Variants in PPP3CB observed in about 807,000 individuals in gnomAD.
PPP3CB encodes protein phosphatase 3 catalytic subunit beta, also known as serine/threonine-protein phosphatase 2B catalytic subunit beta isoform.
Under a neutral mutation model 66.4 loss-of-function variants are expected in PPP3CB, and 8 were observed. The observed-to-expected ratio is 0.12, with a 90% CI of 0.07 to 0.22. PPP3CB has a LOEUF of 0.22. Among genes scored for constraint, PPP3CB ranks in the 10% least tolerant of loss-of-function variants. PPP3CB has a pLI of 1.00. For synonymous variants in PPP3CB, 208 were observed against 221.2 expected (o/e 0.94, Z 0.53); for missense variants, 319 against 642.5 (o/e 0.50, Z 5.44).
chr10:73,468,874 C>G (rs1025483537), intron 8 of PPP3CB, among the ~76,000 whole-genome samples: 9 of 152,098 alleles, frequency 5.9e-5, no homozygotes, highest in African/African-American at 1.9e-4. Flanking sequence ...GAGCTGATAC[C>G]AAGCTTTCAG....
At position 73,464,946 on chromosome 10, in the gene PPP3CB, CAA is replaced by C. The variant is rs1211199797; in HGVS notation, c.1108+2605_1108+2606del. ...TGGGCAACTGAATGAGACTGTGCCTCAAAAAAAAAAAAAAAATTAATAAATGT... is the reference window on the plus strand; with the variant it reads ...TGGGCAACTGAATGAGACTGTGCCTCAAAAAAAAAAAAAATTAATAAATGT... On this transcript the variant is annotated intron_variant, in intron 9 of 13. Coordinates refer to ENST00000360663, the MANE Select transcript of PPP3CB (RefSeq NM_021132.4). 2.5e-3 allele frequency among the ~76,000 whole-genome samples: 259 copies of C among 103,300 alleles called. 1 individual carries two copies. Among genetic ancestry groups the C allele is most frequent in the African/African-American group, 8.0e-3 (239 of 29,710 alleles). 67.8% of individuals were successfully genotyped at this position (103,300 alleles called of 152,430 possible). A position where few individuals can be genotyped will look rare whatever the true frequency, so the allele number is the denominator to read the frequency against.
rs57190155 is a variant in PPP3CB, at chr10:73,485,908, T to TTGTG, written c.86-6395_86-6392dup. Among the ~76,000 whole-genome samples the TTGTG allele has an allele frequency of 3.2e-3, 394 of 121,306 alleles. 3 individuals carry two copies. The highest frequency in any genetic ancestry group is 8.4e-3 in the Middle Eastern group (2 of 238). 79.6% of individuals were successfully genotyped at this position (121,306 alleles called of 152,430 possible). A position where few individuals can be genotyped will look rare whatever the true frequency, so the allele number is the denominator to read the frequency against. On this transcript the variant is annotated intron_variant, in intron 1 of 13. Coordinates refer to ENST00000360663, the MANE Select transcript of PPP3CB (RefSeq NM_021132.4). ...GGCACACACCACCACACCTGGCTAA[T>TTGTG]TGTGTGTGTGTGTGTGTGTGTGTGT... is the stretch of plus-strand genomic sequence containing the variant.
chr10:73,457,636 G>A (rs1282262240), intron 9 of PPP3CB, among the ~76,000 whole-genome samples: 3 of 151,946 alleles, frequency 2.0e-5, no homozygotes, highest in Non-Finnish European at 4.4e-5. Context: ...TACTTGGGAG[G>A]GTGAAGCAGG....
chr10:73,494,205 G>A (rs1356368883), intron 1 of PPP3CB, among the ~76,000 whole-genome samples: 1 of 151,806 alleles, frequency 6.6e-6, no homozygotes, highest in Non-Finnish European at 1.5e-5. Context: ...CCATAAACTC[G>A]TTATTCAGCT....
chr10:73,495,520 T>G, intron 1 of PPP3CB: 2 of 220,484 alleles, frequency 9.1e-6, no homozygotes, highest in Admixed American at 6.0e-5. Context: ...ACAGGCCGAG[T>G]GAAGAGAAAA....
intron 9 of PPP3CB, among the ~76,000 whole-genome samples, chr10:73,464,111 G>A (rs1291648190): frequency 2.0e-5 from 3 of 152,014 alleles, no homozygotes; most frequent in Non-Finnish European, 4.4e-5. Flanking sequence ...TGTATTTTTA[G>A]TGGAGACAGG....
chr10:73,471,318 T>C, intron 5 of PPP3CB, 109 bp from the exon 6 acceptor site: 1 of 1,349,790 alleles, frequency 7.4e-7, no homozygotes, highest in Admixed American at 2.4e-5. Context: ...TATATTATTG[T>C]GAATAAACAG....
intron 10 of PPP3CB, among the ~76,000 whole-genome samples, chr10:73,449,381 T>C (rs1233877605): frequency 6.6e-6 from 1 of 152,234 alleles, no homozygotes; most frequent in East Asian, 1.9e-4. Flanking sequence ...GACATCTTTT[T>C]GCAAAAATAG....
At chr10:73,459,762 T>C (rs1009926666) in intron 9 of PPP3CB, among the ~76,000 whole-genome samples, 9 of 152,134 alleles carry the variant, frequency 5.9e-5, no homozygotes, top group African/African-American at 2.2e-4. Context: ...GGTGAATCTA[T>C]GGGGACAGCA....
chr10:73,466,505 T>C (rs533763524), intron 9 of PPP3CB, among the ~76,000 whole-genome samples: 1 of 152,320 alleles, frequency 6.6e-6, no homozygotes, highest in South Asian at 2.1e-4. Flanking sequence ...CTATTTCTCA[T>C]ACACCAAAGA....
intron 9 of PPP3CB, among the ~76,000 whole-genome samples, chr10:73,457,014 T>C (rs1436991852): frequency 6.6e-6 from 1 of 151,936 alleles, no homozygotes; most frequent in Non-Finnish European, 1.5e-5. Flanking sequence ...ATGCTTTAAA[T>C]AGATGAATTG....
intron 10 of PPP3CB, among the ~76,000 whole-genome samples, chr10:73,453,402 A>G (rs2132824447): frequency 6.6e-6 from 1 of 152,150 alleles, no homozygotes; most frequent in South Asian, 2.1e-4. Context: ...TGAAAATTAA[A>G]TTTTCGTGTG....
At position 73,478,636 on chromosome 10, in the gene PPP3CB, G is replaced by T; in HGVS notation, c.287-13C>A. 6.3e-7 allele frequency: 1 copy of T among 1,597,182 alleles called. No homozygotes were observed. Among genetic ancestry groups the T allele is most frequent in the Non-Finnish European group, 8.5e-7 (1 of 1,174,728 alleles). ...ATGTCACCACACACTGAAACAAGAA[G>T]ATTATTAGATAAGGGAAAAAAATCT... is the stretch of plus-strand genomic sequence containing the variant. On this transcript the variant is annotated splice_polypyrimidine_tract_variant and intron_variant, in intron 2 of 13. Transcript: ENST00000360663.
intron 9 of PPP3CB, among the ~76,000 whole-genome samples, chr10:73,457,592 GC>G (rs1213020531): frequency 6.6e-6 from 1 of 151,834 alleles, no homozygotes; most frequent in Non-Finnish European, 1.5e-5. Flanking sequence ...ACAAAAATTA[GC>G]CGGGCATGGT....
intron 12 of PPP3CB, chr10:73,443,992 T>A (rs2056205451): frequency 6.6e-6 from 1 of 152,286 alleles, no homozygotes; most frequent in Admixed American, 6.5e-5. Flanking sequence ...TGCTTCTACA[T>A]TGCAAGACAG....
rs904882220 is a variant in PPP3CB at position 73,491,855 on chromosome 10, T to C, written c.85+3950A>G. ...GGTGGCACATGCCTGTAATCCCAGCTACTTGGGAGGTTGAGGCAGGAGAAT... is the reference window on the plus strand; with the variant it reads ...GGTGGCACATGCCTGTAATCCCAGCCACTTGGGAGGTTGAGGCAGGAGAAT... On this transcript the variant is annotated intron_variant, in intron 1 of 13. Transcript: ENST00000360663. Among the ~76,000 whole-genome samples, 21 of 152,180 alleles carry C rather than the reference T, an allele frequency of 1.4e-4. 1 individual carries two copies. In the South Asian group the frequency reaches 1.9e-3, roughly 14 times the overall value.
intron 4 of PPP3CB, among the ~76,000 whole-genome samples, chr10:73,472,029 A>G (rs1006223426): frequency 3.9e-5 from 6 of 152,212 alleles, no homozygotes; most frequent in Admixed American, 1.3e-4. Context: ...ATCTTCCCCT[A>G]TAAGAATCAA....
At chr10:73,495,778 G>C in intron 1 of PPP3CB, 27 bp downstream of exon 1, 1 of 1,538,492 alleles carries the variant, frequency 6.5e-7, no homozygotes, top group Non-Finnish European at 8.8e-7. Context: ...TTCAGGCCAG[G>C]CCCCCAGGGT....
intron 9 of PPP3CB, among the ~76,000 whole-genome samples, chr10:73,464,097 T>C (rs2056577091): frequency 1.3e-5 from 2 of 152,032 alleles, no homozygotes; most frequent in South Asian, 4.1e-4. Context: ...ACCCAGCTAA[T>C]TTTTGTATTT....
Sources: gnomAD v4.1 joint callset for allele counts (sites outside exome capture counted in the v4.1 genomes callset) on GRCh38, gnomAD v4.1.1 for gene constraint, MANE v1.5 for transcripts, NCBI Gene and HGNC (gene_info 2026-07-23, HGNC 2026-07-21) for gene names.